The following MAFG variants were observed in gnomAD, a reference collection of about 807,000 sequenced individuals.
MAFG encodes the protein transcription factor MafG.
A neutral mutation model predicts 12.2 loss-of-function variants in MAFG; 3 were observed. That is an observed-to-expected ratio of 0.25 (90% CI 0.11 to 0.64). The LOEUF (loss-of-function observed/expected upper bound fraction) is 0.64. Ranked by LOEUF, MAFG falls within the 30% of genes least tolerant of loss-of-function variation. MAFG has a pLI of 0.85. For missense variants in MAFG, 153 were observed against 235.5 expected (o/e 0.65, Z 2.29); for synonymous variants, 126 against 109.1 (o/e 1.15, Z -0.96).
At chr17:81,930,725 C>T (rs2040978443), upstream of MAFG, 3 of 152,218 alleles carry the variant, frequency 2.0e-5, no homozygotes, top group Admixed American at 2.0e-4. The surrounding 1 kb of genome is among the most constrained non-coding windows in gnomAD (Gnocchi z 4.1). Context: ...GGCAGCTCCT[C>T]CTCCAGGGCC....
rs1259041665 is a variant in MAFG, at chr17:81,919,312, G to C, written c.*3293C>G. ...AGGCAGCAGGGACAACATGGGACCT[G>C]ACCATCGTCCCAAAGCAGGCTGCAG... On this transcript the variant is annotated 3_prime_UTR_variant, in exon 3 of 3. Coordinates refer to ENST00000357736, the MANE Select transcript of MAFG (RefSeq NM_002359.4). The C allele has an allele frequency of 6.6e-6, 1 of 152,298 alleles. No individual in the cohort carries two copies. The highest frequency in any genetic ancestry group is 1.5e-5 in the Non-Finnish European group (1 of 68,088). 9.4% of individuals were successfully genotyped at this position (152,298 alleles called of 1,614,324 possible). A position where few individuals can be genotyped will look rare whatever the true frequency, so the allele number is the denominator to read the frequency against.
chr17:81,923,082 AG>A lies in MAFG; in HGVS notation c.37-26del, dbSNP rs1180331212. On this transcript the variant is annotated intron_variant, in intron 2 of 2. Transcript: ENST00000357736. Reference sequence around the variant, plus strand: ...CCTGGGGCACAGTGCAGGTGGTCACAGGCCAAGCGGGCACGCCCACTGTGCC... The same window carrying A: ...CCTGGGGCACAGTGCAGGTGGTCACAGCCAAGCGGGCACGCCCACTGTGCC... 4 of 1,608,628 alleles carry A rather than the reference AG, an allele frequency of 2.5e-6. No individual in the cohort carries two copies. In the South Asian group the frequency reaches 4.4e-5, roughly 18 times the overall value.
chr17:81,919,188 G>C lies in MAFG; in HGVS notation c.*3417C>G, dbSNP rs1199402006. ...TTTCACCAAACCACAGCCTAAAAAA[G>C]TAACTCACAAGATCCCAGAGCGGAA... is the stretch of plus-strand genomic sequence containing the variant. On this transcript the variant is annotated 3_prime_UTR_variant, in exon 3 of 3. Transcript: ENST00000357736. 1 of 152,274 alleles carries C rather than the reference G, an allele frequency of 6.6e-6. No homozygotes were observed. Among genetic ancestry groups the C allele is most frequent in the African/African-American group, 2.4e-5 (1 of 41,466 alleles). The allele number at this position is 152,274 out of a possible 1,614,324, so 9.4% of individuals were successfully genotyped here.
Position 81,926,932 on chromosome 17 carries a change from G to A in MAFG, c.-30+596C>T, listed in dbSNP as rs887261656. 1.3e-5 allele frequency among the ~76,000 whole-genome samples: 2 copies of A among 151,744 alleles called. No individual in the cohort carries two copies. Among genetic ancestry groups the A allele is most frequent in the Admixed American group, 6.6e-5 (1 of 15,248 alleles). On this transcript the variant is annotated intron_variant, in intron 1 of 2. Transcript: ENST00000357736. The surrounding 1 kb of genome is among the most constrained non-coding windows in gnomAD (Gnocchi z 4.6). The stretch of plus-strand genomic sequence containing the variant: ...GAGGCCCCTCGCTCGAATCCCCTCC[G>A]GTATCAGCTTGAGCACCGAGTGACC...
rs2040870501 is a variant in MAFG, at chr17:81,919,797, G to C, written c.*2808C>G. ...GGGGAAGGGGAAGAGGGGTGGAGTG[G>C]CTCCGCAGGGCTGACCTGACAGGGG... is the stretch of plus-strand genomic sequence containing the variant. On this transcript the variant is annotated 3_prime_UTR_variant, in exon 3 of 3. Transcript: ENST00000357736. 1 of 152,294 alleles carries C rather than the reference G, an allele frequency of 6.6e-6. No homozygotes were observed. The highest frequency in any genetic ancestry group is 2.1e-4 in the South Asian group (1 of 4,836). 9.4% of individuals were successfully genotyped at this position (152,294 alleles called of 1,614,324 possible). A position where few individuals can be genotyped will look rare whatever the true frequency, so the allele number is the denominator to read the frequency against.
At chr17:81,928,859 G>A (rs1454562312), upstream of MAFG, among the ~76,000 whole-genome samples, 1 of 152,210 alleles carries the variant, frequency 6.6e-6, no homozygotes, top group Non-Finnish European at 1.5e-5. This position sits in a 1 kb window ranked among gnomAD's most constrained non-coding sequence, Gnocchi z 8.1. Flanking sequence ...ACACCACACT[G>A]GGCTGGCGAG....
At position 81,922,177 on chromosome 17, in the gene MAFG, G is replaced by A. The variant is rs2040896925; in HGVS notation, c.*428C>T. ...AGCTGCTCCCCTGGGGCTAAAGAGA[G>A]TGAATCCTTCCCAGCCCGCGAGCCT... On this transcript the variant is annotated 3_prime_UTR_variant, in exon 3 of 3. Coordinates refer to ENST00000357736, the MANE Select transcript of MAFG (RefSeq NM_002359.4). The A allele has an allele frequency of 6.5e-6, 1 of 153,818 alleles. No individual in the cohort carries two copies. The highest frequency in any genetic ancestry group is 2.0e-4 in the South Asian group (1 of 4,944). The allele number at this position is 153,818 out of a possible 1,614,324, so 9.5% of individuals were successfully genotyped here.
At chr17:81,925,396 C>T (rs1484915303) in intron 1 of MAFG, among the ~76,000 whole-genome samples, 1 of 152,250 alleles carries the variant, frequency 6.6e-6, no homozygotes, top group Non-Finnish European at 1.5e-5. Context: ...GCTGCAAAGC[C>T]CAGCGGCCGA....
chr17:81,923,318 C>T, intron 1 of MAFG, 104 bp from the exon 2 acceptor site: 3 of 731,468 alleles, frequency 4.1e-6, no homozygotes, highest in Non-Finnish European at 6.4e-6. Flanking sequence ...CACAGCCCGC[C>T]CCAGCCTGCT....
upstream of MAFG, among the ~76,000 whole-genome samples, chr17:81,929,033 C>G (rs1014849800): frequency 2.6e-5 from 4 of 152,202 alleles, no homozygotes; most frequent in Admixed American, 2.6e-4. This position sits in a 1 kb window ranked among gnomAD's most constrained non-coding sequence, Gnocchi z 5.7. Flanking sequence ...GCCACGGTGC[C>G]GTCAGGAGCC....
rs184189331 is a variant in MAFG, at chr17:81,919,586, G to C, written c.*3019C>G. On this transcript the variant is annotated 3_prime_UTR_variant, in exon 3 of 3. Transcript: ENST00000357736. ...GGAAGACATATATCATGGTTTACTT[G>C]GCGGACAAGTTTGAGAGACCTGGCC... is the stretch of plus-strand genomic sequence containing the variant. 1.6e-4 allele frequency: 25 copies of C among 152,378 alleles called. No individual in the cohort carries two copies. The highest frequency in any genetic ancestry group is 5.1e-4 in the African/African-American group (21 of 41,578). The allele number at this position is 152,378 out of a possible 1,614,324, so 9.4% of individuals were successfully genotyped here. A position where few individuals can be genotyped will look rare whatever the true frequency, so the allele number is the denominator to read the frequency against.
chr17:81,925,358 C>T (rs557835939), intron 1 of MAFG, among the ~76,000 whole-genome samples: 95 of 152,366 alleles, frequency 6.2e-4, no homozygotes, highest in African/African-American at 2.1e-3. Flanking sequence ...TAGAAACTCC[C>T]GTGCCTGAAC....
Position 81,926,055 on chromosome 17 carries a change from G to A in MAFG, c.-30+1473C>T, listed in dbSNP as rs1370820653. ...CGGGGGGCGGGGGGCATCCCTGAGG[G>A]CAAACCACAAAGTAGCCTAACCCAG... On this transcript the variant is annotated intron_variant, in intron 1 of 2. Transcript: ENST00000357736. The surrounding 1 kb of genome is among the most constrained non-coding windows in gnomAD (Gnocchi z 4.6). 2.0e-5 allele frequency among the ~76,000 whole-genome samples: 3 copies of A among 150,606 alleles called. No homozygotes were observed. The highest frequency in any genetic ancestry group is 3.2e-3 in the Middle Eastern group (1 of 316).
At position 81,926,267 on chromosome 17, in the gene MAFG, A is replaced by G. The variant is rs2040938938; in HGVS notation, c.-30+1261T>C. 6.6e-6 allele frequency among the ~76,000 whole-genome samples: 1 copy of G among 152,118 alleles called. No individual in the cohort carries two copies. Among genetic ancestry groups the G allele is most frequent in the South Asian group, 2.1e-4 (1 of 4,822 alleles). ...ACAACGCTGAGACCCCACTTCAGGT[A>G]GCGACAACTTTAGGGTGGCTGGGTG... On this transcript the variant is annotated intron_variant, in intron 1 of 2. Coordinates refer to ENST00000357736, the MANE Select transcript of MAFG (RefSeq NM_002359.4). The surrounding 1 kb of genome is among the most constrained non-coding windows in gnomAD (Gnocchi z 4.6).
chr17:81,925,773 A>G (rs1598348392), intron 1 of MAFG, among the ~76,000 whole-genome samples: 1 of 146,700 alleles, frequency 6.8e-6, no homozygotes, highest in South Asian at 2.2e-4. Context: ...GCGCCACTGC[A>G]CTCCAGCCTG....
rs2040925994 is a variant in MAFG at position 81,924,775 on chromosome 17, G to A, written c.-29-1561C>T. 1.3e-5 allele frequency among the ~76,000 whole-genome samples: 2 copies of A among 152,322 alleles called. No homozygotes were observed. Among genetic ancestry groups the A allele is most frequent in the African/African-American group, 4.8e-5 (2 of 41,582 alleles). Reference sequence around the variant, plus strand: ...ACACGTCCGGCACAACACTGCCCCAGGAGACAGGCCCTCAGCCAAGCATGG... The same window carrying A: ...ACACGTCCGGCACAACACTGCCCCAAGAGACAGGCCCTCAGCCAAGCATGG... On this transcript the variant is annotated intron_variant, in intron 1 of 2. Coordinates refer to ENST00000357736, the MANE Select transcript of MAFG (RefSeq NM_002359.4). This position sits in a 1 kb window ranked among gnomAD's most constrained non-coding sequence, Gnocchi z 4.7.
rs1241018439 is a variant in MAFG at position 81,920,403 on chromosome 17, G to A, written c.*2202C>T. Reference sequence around the variant, plus strand: ...ACCATCCATAGGGTTAAGCCCTGTTGGGCCACAGTTTTTCATCTTACCCAC... The same window carrying A: ...ACCATCCATAGGGTTAAGCCCTGTTAGGCCACAGTTTTTCATCTTACCCAC... On this transcript the variant is annotated 3_prime_UTR_variant, in exon 3 of 3. Coordinates refer to ENST00000357736, the MANE Select transcript of MAFG (RefSeq NM_002359.4). 3 of 152,204 alleles carry A rather than the reference G, an allele frequency of 2.0e-5. No individual in the cohort carries two copies. The highest frequency in any genetic ancestry group is 4.8e-5 in the African/African-American group (2 of 41,448). 9.4% of individuals were successfully genotyped at this position (152,204 alleles called of 1,614,324 possible).
chr17:81,927,477 CCCCGCCGCG>C (rs1420985142), intron 1 of MAFG, 42 bp downstream of exon 1: 1 of 147,308 alleles, frequency 6.8e-6, no homozygotes, highest in Non-Finnish European at 1.5e-5. Context: ...CCCCCGCCGC[CCCCGCCGCG>C]CCGCCCCCAC....
chr17:81,923,706 C>A (rs965265796), intron 1 of MAFG, among the ~76,000 whole-genome samples: 4 of 152,156 alleles, frequency 2.6e-5, no homozygotes, highest in Admixed American at 2.6e-4. Flanking sequence ...CAGCCCCCAG[C>A]CTGGCCAATA....
Sources: allele counts gnomAD v4.1 joint callset (sites outside exome capture counted in the v4.1 genomes callset), GRCh38; gene constraint gnomAD v4.1.1; non-coding constraint Gnocchi (gnomAD v3.1); transcripts MANE v1.5; gene names NCBI Gene and HGNC (gene_info 2026-07-23, HGNC 2026-07-21).